SFMBT1: variants seen among roughly 807,000 people sequenced by gnomAD.
SFMBT1 encodes the protein scm-like with four MBT domains protein 1.
A neutral mutation model predicts 108.7 loss-of-function variants in SFMBT1; 32 were observed. The ratio of observed to expected loss-of-function variants is 0.29; its 90% CI spans 0.22 to 0.40. The LOEUF is 0.40. Ranked by LOEUF, SFMBT1 falls within the 10% of genes least tolerant of loss-of-function variation. The pLI, the probability that SFMBT1 is intolerant of heterozygous loss-of-function variation, is 1.00. For synonymous variants in SFMBT1, 348 were observed against 369.5 expected (o/e 0.94, Z 0.67); for missense variants, 816 against 1,059.6 (o/e 0.77, Z 3.19).
chr3:52,951,789 T>A (rs1216565611), intron 3 of SFMBT1, among the ~76,000 whole-genome samples: 3 of 152,194 alleles, frequency 2.0e-5, no homozygotes, highest in Admixed American at 6.5e-5. Context: ...GCGGGCCAGG[T>A]GTTCCTTGCC....
intron 11 of SFMBT1, among the ~76,000 whole-genome samples, chr3:52,921,210 A>G (rs888731708): frequency 2.0e-5 from 3 of 152,250 alleles, no homozygotes; most frequent in Non-Finnish European, 2.9e-5. Context: ...ATTTGGCAGC[A>G]GGATAAAAAA....
Position 52,951,116 on chromosome 3 carries a change from T to TAA in SFMBT1, c.123+3199_123+3200dup, listed in dbSNP as rs60541061. ...GGGCAACAGAGCAAGACTCTTATCTTAAAAAAAAAAAAAAAAGAAAAATCC... is the reference window on the plus strand; with the variant it reads ...GGGCAACAGAGCAAGACTCTTATCTTAAAAAAAAAAAAAAAAAAGAAAAATCC... On this transcript the variant is annotated intron_variant, in intron 3 of 20. Coordinates refer to ENST00000394752, the MANE Select transcript of SFMBT1 (RefSeq NM_016329.4). Among the ~76,000 whole-genome samples, 8 of 81,570 alleles carry TAA rather than the reference T, an allele frequency of 9.8e-5. 1 individual carries two copies. The highest frequency in any genetic ancestry group is 1.3e-4 in the Non-Finnish European group (6 of 47,896). 53.5% of individuals were successfully genotyped at this position (81,570 alleles called of 152,430 possible).
At chr3:52,969,033 C>T in intron 2 of SFMBT1, 68 bp downstream of exon 2, 2 of 1,575,460 alleles carry the variant, frequency 1.3e-6, no homozygotes, top group Non-Finnish European at 1.7e-6. Context: ...GAGAAACAGA[C>T]AATATAACAC....
chr3:53,023,501 A>G (rs913463010), intron 1 of SFMBT1, among the ~76,000 whole-genome samples: 2 of 152,206 alleles, frequency 1.3e-5, no homozygotes, highest in African/African-American at 4.8e-5. Flanking sequence ...ATCTAAATTT[A>G]TCTCCATACA....
chr3:52,943,487 T>C lies in SFMBT1; in HGVS notation c.230A>G (p.Glu77Gly). The C allele has an allele frequency of 6.2e-7, 1 of 1,614,142 alleles. No homozygotes were observed. The highest frequency in any genetic ancestry group is 2.2e-5 in the East Asian group (1 of 44,890). Residue 77 changes from glutamate to glycine, a missense_variant, in exon 4 of 21, where the codon GAG (glutamate) becomes GGG (glycine). Physicochemically the swap from Glu to Gly is moderately conservative, Grantham distance 98 (BLOSUM62 -2). Transcript: ENST00000394752. ...ATCATAGCGGAGAAGGAGCAACTGC[T>C]CACAGGTAGTGATAACGGTGGCAAC... ...YWVATVITTCEQLLLLRYDGY... is the reference protein window; with the variant it reads ...YWVATVITTCGQLLLLRYDGY...
intron 10 of SFMBT1, among the ~76,000 whole-genome samples, chr3:52,923,742 G>A (rs957869024): frequency 6.6e-6 from 1 of 152,048 alleles, no homozygotes; most frequent in African/African-American, 2.4e-5. Flanking sequence ...TTAAAAAGCA[G>A]AGGTTTGATC....
chr3:52,910,792 AG>A (rs966950505), intron 17 of SFMBT1, among the ~76,000 whole-genome samples: 6 of 152,184 alleles, frequency 3.9e-5, no homozygotes, highest in Non-Finnish European at 7.4e-5. Context: ...CCCGGCCAAA[AG>A]GGTTCTTAAA....
intron 14 of SFMBT1, among the ~76,000 whole-genome samples, chr3:52,914,610 G>T (rs2106769307): frequency 6.6e-6 from 1 of 152,222 alleles, no homozygotes; most frequent in East Asian, 1.9e-4. Flanking sequence ...CACATGTGGT[G>T]GCATATGCCT....
chr3:52,935,681 C>T (rs13092352), intron 4 of SFMBT1, among the ~76,000 whole-genome samples: 13,767 of 152,062 alleles, frequency 0.091, 642 homozygotes, highest in African/African-American at 0.099. Context: ...AACAATAATT[C>T]CTTAATATCA....
intron 1 of SFMBT1, 118 bp from the exon 2 acceptor site, chr3:52,969,376 T>C: frequency 3.9e-6 from 4 of 1,032,452 alleles, no homozygotes; most frequent in South Asian, 2.1e-5. Context: ...ACTGGCAGAA[T>C]AGATAGGACT....
chr3:52,966,561 C>T (rs1704155735), intron 2 of SFMBT1, among the ~76,000 whole-genome samples: 1 of 129,628 alleles, frequency 7.7e-6, no homozygotes, highest in Non-Finnish European at 1.5e-5. Flanking sequence ...GGAGGCGGAG[C>T]TTGCAGTGAG....
intron 1 of SFMBT1, among the ~76,000 whole-genome samples, chr3:53,021,742 T>C (rs577719010): frequency 6.6e-6 from 1 of 152,248 alleles, no homozygotes; most frequent in East Asian, 1.9e-4. Context: ...CCCCTTTCTA[T>C]GGGAGTTTCC....
At chr3:52,938,832 T>C (rs1703100479) in intron 4 of SFMBT1, among the ~76,000 whole-genome samples, 1 of 152,200 alleles carries the variant, frequency 6.6e-6, no homozygotes, top group Non-Finnish European at 1.5e-5. Flanking sequence ...TTCACTACCA[T>C]TTCCCATGCT....
At chr3:52,973,324 T>C (rs1030387876) in intron 1 of SFMBT1, among the ~76,000 whole-genome samples, 4 of 152,310 alleles carry the variant, frequency 2.6e-5, no homozygotes, top group East Asian at 1.9e-4. Flanking sequence ...GTGAACTAAA[T>C]AGGTGCCTAG....
chr3:52,917,828 G>C (rs1256597113), intron 13 of SFMBT1, among the ~76,000 whole-genome samples: 1 of 152,156 alleles, frequency 6.6e-6, no homozygotes, highest in Non-Finnish European at 1.5e-5. Flanking sequence ...CCAGTCTGTA[G>C]AAAAACTGTC....
chr3:52,920,490 G>C (rs760183420), intron 12 of SFMBT1, 47 bp downstream of exon 12: 2 of 1,390,630 alleles, frequency 1.4e-6, no homozygotes, highest in Admixed American at 1.8e-5. Flanking sequence ...CAGCCACACA[G>C]AAGATTATTT....
intron 14 of SFMBT1, 25 bp from the exon 15 acceptor site, chr3:52,913,642 T>C (rs372436254): frequency 1.9e-6 from 3 of 1,611,314 alleles, no homozygotes; most frequent in Non-Finnish European, 2.5e-6. Context: ...AAAACAAATA[T>C]TCAAAACAGT....
intron 1 of SFMBT1, among the ~76,000 whole-genome samples, chr3:53,042,393 G>A (rs1403804190): frequency 6.6e-6 from 1 of 152,238 alleles, no homozygotes; most frequent in Non-Finnish European, 1.5e-5. Context: ...AGGCTGGAGT[G>A]CAGCAGTGCA....
intron 4 of SFMBT1, among the ~76,000 whole-genome samples, chr3:52,940,876 A>G (rs1703158575): frequency 2.0e-5 from 3 of 152,220 alleles, no homozygotes; most frequent in Admixed American, 1.3e-4. Flanking sequence ...AATAGCATGT[A>G]TCTTCTGATA....
Sources: allele counts gnomAD v4.1 joint callset (sites outside exome capture counted in the v4.1 genomes callset), GRCh38; gene constraint gnomAD v4.1.1; transcripts MANE v1.5; gene names NCBI Gene and HGNC (gene_info 2026-07-23, HGNC 2026-07-21).